Variants in DIAPH2 observed in about 807,000 individuals in gnomAD.
DIAPH2 encodes the protein protein diaphanous homolog 2.
In DIAPH2, 35 loss-of-function variants were observed where a neutral mutation model predicts 92.7. That is an observed-to-expected ratio of 0.38 (90% CI 0.29 to 0.50). The LOEUF is 0.50. DIAPH2 is among the 20% of genes least tolerant of loss of function. The probability of loss-of-function intolerance (pLI) is 0.94; values close to 1 mark genes in which losing one functional copy is unlikely to be tolerated. For synonymous variants in DIAPH2, 301 were observed against 280.4 expected (o/e 1.07, Z -0.73); for missense variants, 701 against 819.5 (o/e 0.86, Z 1.77).
intron 5 of DIAPH2, among the ~76,000 whole-genome samples, chrX:96,899,938 GT>G (rs1309022269): frequency 3.7e-5 from 4 of 109,544 alleles, no homozygotes; most frequent in African/African-American, 1.3e-4. Flanking sequence ...TTAGCATGAA[GT>G]GTTGTTGAAT....
intron 26 of DIAPH2, among the ~76,000 whole-genome samples, chrX:97,524,541 A>G (rs776438229): frequency 4.5e-5 from 5 of 112,231 alleles, no homozygotes; most frequent in Admixed American, 9.5e-5. Flanking sequence ...TCAGACACTT[A>G]CTTGCCCAGA....
chrX:97,211,413 A>T (rs1459485963), intron 22 of DIAPH2, among the ~76,000 whole-genome samples: 1 of 111,594 alleles, frequency 9.0e-6, no homozygotes, highest in African/African-American at 3.3e-5. Context: ...TCCATTGTAG[A>T]ATCAGGAGCA....
chrX:97,493,589 C>G (rs1432252113), intron 26 of DIAPH2, among the ~76,000 whole-genome samples: 1 of 110,988 alleles, frequency 9.0e-6, no homozygotes, highest in Non-Finnish European at 1.9e-5. Context: ...TAATTTCTAC[C>G]TCTGTTAGGG....
chrX:97,359,357 A>T lies in DIAPH2; in HGVS notation c.3009+11077A>T, dbSNP rs1020520281. On this transcript the variant is annotated intron_variant, in intron 24 of 26. Coordinates refer to ENST00000324765, the MANE Select transcript of DIAPH2 (RefSeq NM_006729.5). ...ATCATTGCAAATTGTTAATAATATA[A>T]TGATTTGTAATCTAATCACAAAAAT... Among the ~76,000 whole-genome samples, 3 of 110,498 alleles carry T rather than the reference A, an allele frequency of 2.7e-5. No homozygotes were observed. In the Admixed American group the frequency reaches 2.9e-4, roughly 11 times the overall value.
intron 4 of DIAPH2, among the ~76,000 whole-genome samples, chrX:96,833,012 C>A (rs766758025): frequency 9.0e-6 from 1 of 111,284 alleles, no homozygotes; most frequent in Non-Finnish European, 1.9e-5. Flanking sequence ...TGTAGTGACA[C>A]CAGTGTGTGT....
chrX:97,193,012 C>CTTTTTTTTTTTT (rs373054114), intron 22 of DIAPH2, among the ~76,000 whole-genome samples: 6 of 86,581 alleles, frequency 6.9e-5, no homozygotes, highest in East Asian at 3.3e-4. Flanking sequence ...TTTTTCTTTT[C>CTTTTTTTTTTTT]TTTTTTTTTT....
intron 21 of DIAPH2, among the ~76,000 whole-genome samples, chrX:97,119,833 G>A (rs992758393): frequency 7.2e-4 from 80 of 111,355 alleles, no homozygotes; most frequent in African/African-American, 2.5e-3. Context: ...GGGGAAAGCC[G>A]GCAGTCACAG....
At chrX:96,937,589 A>G (rs984571839) in intron 11 of DIAPH2, among the ~76,000 whole-genome samples, 1 of 111,905 alleles carries the variant, frequency 8.9e-6, no homozygotes, top group African/African-American at 3.2e-5. Context: ...TATTATAGAT[A>G]TACTCTACTC....
intron 3 of DIAPH2, among the ~76,000 whole-genome samples, chrX:96,747,570 C>G (rs1258491510): frequency 8.9e-6 from 1 of 111,975 alleles, no homozygotes; most frequent in Non-Finnish European, 1.9e-5. Flanking sequence ...ATTCCATCTG[C>G]TAGAACTCTC....
chrX:97,032,467 G>A (rs1032538058), intron 17 of DIAPH2, among the ~76,000 whole-genome samples: 3 of 110,870 alleles, frequency 2.7e-5, no homozygotes, highest in African/African-American at 9.8e-5. Flanking sequence ...GGAATTTTGA[G>A]TGTTGGTTAG....
chrX:97,534,375 A>T (rs977594995), intron 26 of DIAPH2, among the ~76,000 whole-genome samples: 2 of 110,675 alleles, frequency 1.8e-5, no homozygotes, highest in Non-Finnish European at 3.8e-5. Context: ...TATGTGTATC[A>T]TTTATTTACT....
intron 22 of DIAPH2, among the ~76,000 whole-genome samples, chrX:97,156,045 G>A (rs1193816661): frequency 1.8e-5 from 2 of 112,139 alleles, no homozygotes; most frequent in African/African-American, 3.2e-5. Flanking sequence ...GTGGCGGTGA[G>A]CAGCATATCT....
chrX:97,196,787 C>T (rs1438703294), intron 22 of DIAPH2, among the ~76,000 whole-genome samples: 1 of 102,818 alleles, frequency 9.7e-6, no homozygotes, highest in Non-Finnish European at 2.0e-5. Context: ...TCTTTTTTTT[C>T]GGTTTTTTTT....
chrX:97,547,878 C>G (rs1468552840), intron 26 of DIAPH2, among the ~76,000 whole-genome samples: 3 of 112,271 alleles, frequency 2.7e-5, no homozygotes, highest in Non-Finnish European at 5.6e-5. Context: ...GAGTTGATCC[C>G]AGATCTGCCT....
chrX:96,844,288 C>G (rs1156372267), intron 4 of DIAPH2, among the ~76,000 whole-genome samples: 1 of 112,604 alleles, frequency 8.9e-6, no homozygotes, highest in Non-Finnish European at 1.9e-5. Flanking sequence ...TAATTCTTCA[C>G]TATACATGCT....
At chrX:96,912,437 G>C in intron 6 of DIAPH2, 35 bp downstream of exon 6, 1 of 1,198,333 alleles carries the variant, frequency 8.3e-7, no homozygotes, top group African/African-American at 1.7e-5. Flanking sequence ...ATCACCAAAG[G>C]GAAAATGTTT....
At chrX:96,815,163 G>A (rs2064721590) in intron 4 of DIAPH2, among the ~76,000 whole-genome samples, 1 of 112,141 alleles carries the variant, frequency 8.9e-6, no homozygotes, top group South Asian at 3.7e-4. Flanking sequence ...GAGGCAGTGG[G>A]CCTTGCCGAG....
chrX:97,006,084 A>G (rs762888896), intron 17 of DIAPH2, among the ~76,000 whole-genome samples: 1 of 110,664 alleles, frequency 9.0e-6, no homozygotes, highest in Non-Finnish European at 1.9e-5. Context: ...TCAGGAGCAT[A>G]TTGTTCAATT....
At chrX:97,138,269 G>A (rs1453424934) in intron 21 of DIAPH2, among the ~76,000 whole-genome samples, 3 of 111,988 alleles carry the variant, frequency 2.7e-5, no homozygotes, top group African/African-American at 9.7e-5. Context: ...GTGTCAATTA[G>A]TTATTGAGAA....
Sources: gnomAD v4.1 joint callset for allele counts (sites outside exome capture counted in the v4.1 genomes callset) on GRCh38, gnomAD v4.1.1 for gene constraint, MANE v1.5 for transcripts, NCBI Gene and HGNC (gene_info 2026-07-23, HGNC 2026-07-21) for gene names.